Variants in PTPN3 observed in about 807,000 individuals in gnomAD.
PTPN3 encodes the protein protein tyrosine phosphatase non-receptor type 3, also known as tyrosine-protein phosphatase non-receptor type 3.
In PTPN3, 96 loss-of-function variants were observed where a neutral mutation model predicts 132.7. The observed-to-expected ratio is 0.72, with a 90% CI of 0.61 to 0.86. The LOEUF (loss-of-function observed/expected upper bound fraction) is 0.86. Ranked by LOEUF, PTPN3 falls within the 40% of genes least tolerant of loss-of-function variation. The pLI, the probability that PTPN3 is intolerant of heterozygous loss-of-function variation, is 0.00. For synonymous variants in PTPN3, 398 were observed against 429.0 expected (o/e 0.93, Z 0.89); for missense variants, 1,125 against 1,159.6 (o/e 0.97, Z 0.43).
rs562705829 is a variant in PTPN3, at chr9:109,396,016, C to T, written c.1954-4455G>A. 4.6e-5 allele frequency among the ~76,000 whole-genome samples: 7 copies of T among 152,164 alleles called. No homozygotes were observed. The South Asian group carries it at 1.5e-3, about 32-fold the overall frequency. On this transcript the variant is annotated intron_variant, in intron 19 of 25. Transcript: ENST00000374541. Reference sequence around the variant, plus strand: ...GAATCTGTATACAGGCGTGCGCCACCATGCCCAGCTAATTTTAGTATTTTT... The same window carrying T: ...GAATCTGTATACAGGCGTGCGCCACTATGCCCAGCTAATTTTAGTATTTTT...
At chr9:109,422,206 C>T (rs1252720488) in intron 13 of PTPN3, among the ~76,000 whole-genome samples, 7 of 152,180 alleles carry the variant, frequency 4.6e-5, no homozygotes, top group East Asian at 1.9e-4. Flanking sequence ...CTTTACCAAA[C>T]GACCACCTAT....
Position 109,405,056 on chromosome 9 carries a change from C to A in PTPN3, c.1793-448G>T, listed in dbSNP as rs1445470517. Among the ~76,000 whole-genome samples, 10 of 152,344 alleles carry A rather than the reference C, an allele frequency of 6.6e-5. No individual in the cohort carries two copies. The East Asian group carries it at 1.9e-3, about 29-fold the overall frequency. On this transcript the variant is annotated intron_variant, in intron 18 of 25. Coordinates refer to ENST00000374541, the MANE Select transcript of PTPN3 (RefSeq NM_002829.4). Reference sequence around the variant, plus strand: ...TCCCAAGCTTTTCCTGTGACACCATCATTCCTGAGAGCTCAATCCCTAACT... The same window carrying A: ...TCCCAAGCTTTTCCTGTGACACCATAATTCCTGAGAGCTCAATCCCTAACT...
intron 1 of PTPN3, among the ~76,000 whole-genome samples, chr9:109,474,897 T>C (rs1186950541): frequency 6.6e-6 from 1 of 152,128 alleles, no homozygotes; most frequent in African/African-American, 2.4e-5. Flanking sequence ...GAGACTCAGT[T>C]TCCCTACCTA....
intron 1 of PTPN3, among the ~76,000 whole-genome samples, chr9:109,480,637 T>C (rs1184835753): frequency 6.6e-6 from 1 of 152,220 alleles, no homozygotes; most frequent in Non-Finnish European, 1.5e-5. Context: ...CCCCTATGTT[T>C]TCTTCTAGGA....
intron 10 of PTPN3, 130 bp from the exon 11 acceptor site, chr9:109,428,814 CT>C: frequency 6.9e-7 from 1 of 1,441,634 alleles, no homozygotes; most frequent in Non-Finnish European, 9.1e-7. Context: ...CTAGAGTTTA[CT>C]TCTCTGTAGA....
the PTPN3 span, among the ~76,000 whole-genome samples, chr9:109,532,528 C>A: frequency 2.1e-4 from 32 of 151,074 alleles, no homozygotes; most frequent in Admixed American, 9.9e-4. Flanking sequence ...CTCCACTTGA[C>A]CAGATAGGAA....
chr9:109,505,671 A>G, the PTPN3 span, among the ~76,000 whole-genome samples: 3 of 152,208 alleles, frequency 2.0e-5, no homozygotes, highest in Admixed American at 6.5e-5. Context: ...GTAATAAACT[A>G]AAGGATGGGA....
intron 25 of PTPN3, among the ~76,000 whole-genome samples, chr9:109,381,033 G>C (rs1053016588): frequency 6.6e-6 from 1 of 152,158 alleles, no homozygotes; most frequent in Non-Finnish European, 1.5e-5. Context: ...ATGAATGAAT[G>C]AATGTGGGAT....
chr9:109,537,080 A>G, the PTPN3 span, among the ~76,000 whole-genome samples: 9 of 152,126 alleles, frequency 5.9e-5, no homozygotes, highest in African/African-American at 1.9e-4. Context: ...CAAGACTCCA[A>G]GGTCCTGGCA....
chr9:109,385,745 A>G (rs1353517971), intron 22 of PTPN3, among the ~76,000 whole-genome samples: 1 of 152,234 alleles, frequency 6.6e-6, no homozygotes, highest in African/African-American at 2.4e-5. Flanking sequence ...TGGACAACGA[A>G]GATCACTGAA....
chr9:109,445,287 G>T lies in PTPN3; in HGVS notation c.419C>A (p.Thr140Asn). ...AACCACTGCTGAGTTAAGAGGGCAG[G>T]TTAACCTGTCAGGAGAAAAACATAT... ...LKMDICEGRL[T>N]CPLNSAVVLA... Residue 140 changes from threonine (T) to asparagine (N), a missense_variant, in exon 7 of 26, where the codon ACC (threonine) becomes AAC (asparagine). Physicochemically the swap from Thr to Asn is moderately conservative, Grantham distance 65 (BLOSUM62 0). Transcript: ENST00000374541. 6.2e-7 allele frequency: 1 copy of T among 1,613,428 alleles called. No homozygotes were observed. Among genetic ancestry groups the T allele is most frequent in the African/African-American group, 1.3e-5 (1 of 75,048 alleles).
rs1012072515 is a variant in PTPN3 at position 109,379,190 on chromosome 9, C to T, written c.*366G>A. 17 of 204,108 alleles carry T rather than the reference C, an allele frequency of 8.3e-5. No homozygotes were observed. The highest frequency in any genetic ancestry group is 1.5e-4 in the Non-Finnish European group (15 of 102,070). The allele number at this position is 204,108 out of a possible 1,614,324, so 12.6% of individuals were successfully genotyped here. A position where few individuals can be genotyped will look rare whatever the true frequency, so the allele number is the denominator to read the frequency against. ...AAAACATCCAAATGACCCAAGATAA[C>T]CACACCATCTTGTTGCTGGGAGGAC... On this transcript the variant is annotated 3_prime_UTR_variant, in exon 26 of 26. Transcript: ENST00000374541.
intron 21 of PTPN3, among the ~76,000 whole-genome samples, chr9:109,389,772 C>T (rs1839909318): frequency 1.3e-5 from 2 of 152,214 alleles, no homozygotes; most frequent in South Asian, 2.1e-4. Context: ...AATCTATTTA[C>T]GTTTATTTAA....
chr9:109,504,727 A>G, the PTPN3 span, among the ~76,000 whole-genome samples: 1 of 152,204 alleles, frequency 6.6e-6, no homozygotes, highest in Non-Finnish European at 1.5e-5. Context: ...ATTTGCTACC[A>G]CATGGGAAAA....
chr9:109,446,470 T>C (rs1245024627), intron 6 of PTPN3, among the ~76,000 whole-genome samples: 1 of 152,060 alleles, frequency 6.6e-6, no homozygotes, highest in Non-Finnish European at 1.5e-5. Context: ...TTGCAAATAA[T>C]CTCCCCAAGG....
intron 14 of PTPN3, among the ~76,000 whole-genome samples, chr9:109,419,935 GT>G (rs1476195120): frequency 6.6e-6 from 1 of 152,134 alleles, no homozygotes; most frequent in Non-Finnish European, 1.5e-5. Flanking sequence ...ATGTTCTAAC[GT>G]TTGTTTCTTT....
intron 23 of PTPN3, 181 bp downstream of exon 23, chr9:109,383,242 G>T: frequency 9.6e-7 from 1 of 1,046,046 alleles, no homozygotes; most frequent in Non-Finnish European, 1.4e-6. Context: ...CCTCGTGCCT[G>T]TTGTGACTAG....
intron 14 of PTPN3, among the ~76,000 whole-genome samples, chr9:109,416,017 G>T (rs1241066319): frequency 6.6e-6 from 1 of 152,226 alleles, no homozygotes; most frequent in Admixed American, 6.5e-5. Flanking sequence ...GGGACATGTA[G>T]AATGGTATGC....
chr9:109,463,259 A>T, intron 2 of PTPN3, 38 bp downstream of exon 2: 1 of 1,514,550 alleles, frequency 6.6e-7, no homozygotes, highest in Non-Finnish European at 8.9e-7. Context: ...TAGGAGCATT[A>T]ATTCAGGAAA....
Sources: gnomAD v4.1 joint callset for allele counts (sites outside exome capture counted in the v4.1 genomes callset) on GRCh38, gnomAD v4.1.1 for gene constraint, MANE v1.5 for transcripts, NCBI Gene and HGNC (gene_info 2026-07-23, HGNC 2026-07-21) for gene names.